RYK: variants seen among roughly 807,000 people sequenced by gnomAD.
RYK encodes inactive tyrosine-protein kinase RYK.
Under a neutral mutation model 70.2 loss-of-function variants are expected in RYK, and 21 were observed. The ratio of observed to expected loss-of-function variants is 0.30; its 90% confidence interval spans 0.21 to 0.43. The LOEUF (loss-of-function observed/expected upper bound fraction) is 0.43, where lower values mean the gene tolerates loss of function less well. Ranked by LOEUF, RYK falls within the 20% of genes least tolerant of loss-of-function variation. The pLI is 1.00. For synonymous variants in RYK, 267 were observed against 278.0 expected, an observed-to-expected ratio of 0.96 and a Z score of 0.39; for missense variants, 604 against 753.3, an observed-to-expected ratio of 0.80 and a Z score of 2.32.
chr3:134,167,479 A>G (rs540999434), intron 13 of RYK, among the ~76,000 whole-genome samples: 2 of 152,364 alleles, frequency 1.3e-5, no homozygotes, highest in East Asian at 1.9e-4. Context: ...AAACCTGACA[A>G]AAACAAGAAA....
chr3:134,195,810 G>C (rs997611507), intron 6 of RYK, among the ~76,000 whole-genome samples: 1 of 152,266 alleles, frequency 6.6e-6, no homozygotes, highest in Admixed American at 6.5e-5. Flanking sequence ...GCCGGGCATG[G>C]TGACGCGTGC....
intron 1 of RYK, among the ~76,000 whole-genome samples, chr3:134,232,977 T>C (rs979813542): frequency 2.0e-5 from 3 of 152,258 alleles, no homozygotes; most frequent in Non-Finnish European, 4.4e-5. Context: ...AATGAGCACC[T>C]GTACCCAGGA....
intron 5 of RYK, among the ~76,000 whole-genome samples, chr3:134,204,258 G>C (rs1043907919): frequency 6.6e-6 from 1 of 152,040 alleles, no homozygotes; most frequent in Admixed American, 6.6e-5. Context: ...GCTTTGGGAG[G>C]CTGAGGTGGG....
At chr3:134,229,644 A>C (rs2015005359) in intron 1 of RYK, among the ~76,000 whole-genome samples, 1 of 152,180 alleles carries the variant, frequency 6.6e-6, no homozygotes, top group Non-Finnish European at 1.5e-5. Context: ...TCTAAGAAAG[A>C]ACTTAGCTGG....
intron 11 of RYK, among the ~76,000 whole-genome samples, chr3:134,176,790 T>C (rs2013113136): frequency 6.6e-6 from 1 of 151,832 alleles, no homozygotes; most frequent in African/African-American, 2.4e-5. Context: ...GTGGCTCACA[T>C]TTGTAATCCC....
At chr3:134,241,116 C>A (rs1342944249) in intron 1 of RYK, among the ~76,000 whole-genome samples, 1 of 146,484 alleles carries the variant, frequency 6.8e-6, no homozygotes, top group Non-Finnish European at 1.5e-5. Context: ...AGGGAAATCA[C>A]TTGAAGTCAG....
chr3:134,164,517 T>TA (rs1316507751), intron 13 of RYK, among the ~76,000 whole-genome samples: 1 of 152,250 alleles, frequency 6.6e-6, no homozygotes, highest in African/African-American at 2.4e-5. Flanking sequence ...ATTCAAGCTG[T>TA]ATACTGTTTT....
chr3:134,160,966 A>C (rs1411767534), intron 13 of RYK, among the ~76,000 whole-genome samples: 1 of 152,230 alleles, frequency 6.6e-6, no homozygotes, highest in Non-Finnish European at 1.5e-5. Context: ...AAGCAGAGAG[A>C]CTATGTTTCC....
At chr3:134,160,098 G>A (rs753783720) in intron 13 of RYK, among the ~76,000 whole-genome samples, 6 of 152,168 alleles carry the variant, frequency 3.9e-5, no homozygotes, top group Non-Finnish European at 7.3e-5. Flanking sequence ...CTGATCTGCC[G>A]CCAAGTGTGA....
At chr3:134,221,341 A>G (rs925513973) in intron 2 of RYK, among the ~76,000 whole-genome samples, 1 of 150,768 alleles carries the variant, frequency 6.6e-6, no homozygotes, top group Non-Finnish European at 1.5e-5. Context: ...AGTAGCTGGG[A>G]ATACAGGTGT....
At chr3:134,173,151 C>T (rs1250955421) in intron 13 of RYK, among the ~76,000 whole-genome samples, 2 of 151,972 alleles carry the variant, frequency 1.3e-5, no homozygotes, top group African/African-American at 2.4e-5. Flanking sequence ...CATGGTGGTG[C>T]GCGCCTATAG....
At chr3:134,205,030 C>T (rs2014173220) in intron 5 of RYK, among the ~76,000 whole-genome samples, 1 of 152,074 alleles carries the variant, frequency 6.6e-6, no homozygotes, top group Non-Finnish European at 1.5e-5. Context: ...AGTCAACATA[C>T]CTTACTAATG....
intron 5 of RYK, among the ~76,000 whole-genome samples, chr3:134,203,205 G>A (rs1178052512): frequency 1.3e-5 from 2 of 152,112 alleles, no homozygotes; most frequent in Admixed American, 6.6e-5. Context: ...AAAATTAGCT[G>A]GGCATGGTGG....
chr3:134,173,212 C>A (rs768637790), intron 13 of RYK, among the ~76,000 whole-genome samples: 30 of 151,336 alleles, frequency 2.0e-4, no homozygotes, highest in South Asian at 6.3e-4. Context: ...ACCCAGGAGG[C>A]GGAGGTTGCA....
rs372183541 is a variant in RYK at position 134,158,284 on chromosome 3, A to C, written c.1713-20T>G. On this transcript the variant is annotated intron_variant, in intron 14 of 14. Transcript: ENST00000623711. The stretch of plus-strand genomic sequence containing the variant: ...GCAAATCTGCAGAGTGACAAAAATG[A>C]AAATTTGGGCTAGTAAGGATACAGT... 4 of 1,500,134 alleles carry C rather than the reference A, an allele frequency of 2.7e-6. No individual in the cohort carries two copies. Among genetic ancestry groups the C allele is most frequent in the Non-Finnish European group, 2.7e-6 (3 of 1,108,938 alleles). 92.9% of individuals were successfully genotyped at this position (1,500,134 alleles called of 1,614,324 possible).
intron 1 of RYK, among the ~76,000 whole-genome samples, chr3:134,231,398 G>C (rs1158304885): frequency 1.3e-5 from 2 of 152,086 alleles, no homozygotes; most frequent in African/African-American, 2.4e-5. Flanking sequence ...AGCCCAAACA[G>C]AAACTACCAA....
intron 1 of RYK, among the ~76,000 whole-genome samples, chr3:134,244,206 C>G (rs904701157): frequency 2.6e-5 from 4 of 152,150 alleles, no homozygotes; most frequent in African/African-American, 9.7e-5. Context: ...CCATTCCCCA[C>G]CCACCCACCA....
intron 2 of RYK, among the ~76,000 whole-genome samples, chr3:134,216,243 A>G (rs1280558053): frequency 3.3e-5 from 5 of 152,144 alleles, no homozygotes; most frequent in Admixed American, 6.5e-5. Flanking sequence ...TAAAGTGAAT[A>G]CACTTGTCTA....
rs899822314 is a variant in RYK, at chr3:134,176,101, C to CT, written c.1306-63dup. On this transcript the variant is annotated intron_variant, in intron 11 of 14. Coordinates refer to ENST00000623711, the MANE Select transcript of RYK (RefSeq NM_002958.4). ...ACACAAATATGATGGCACTTTCTTA[C>CT]TTTTTTTATTCCACAATCCTACTCC... The CT allele has an allele frequency of 4.1e-5, 40 of 983,832 alleles. 1 individual carries two copies. Among genetic ancestry groups the CT allele is most frequent in the South Asian group, 3.8e-4 (27 of 70,900 alleles). The allele number at this position is 983,832 out of a possible 1,614,324, so 60.9% of individuals were successfully genotyped here.
Sources: gnomAD v4.1 joint callset for allele counts (sites outside exome capture counted in the v4.1 genomes callset) on GRCh38, gnomAD v4.1.1 for gene constraint, MANE v1.5 for transcripts, NCBI Gene and HGNC (gene_info 2026-07-23, HGNC 2026-07-21) for gene names.